The following ATXN2L variants were observed in gnomAD, a reference collection of about 807,000 sequenced individuals.
ATXN2L encodes the protein ataxin 2 like, also known as ataxin-2-like protein.
A neutral mutation model predicts 120.7 loss-of-function variants in ATXN2L; 24 were observed. That is an observed-to-expected ratio of 0.20 (90% CI 0.14 to 0.28). The LOEUF is 0.28. Among genes scored for constraint, ATXN2L ranks in the 10% least tolerant of loss-of-function variants. ATXN2L has a pLI of 1.00. For synonymous variants in ATXN2L, 653 were observed against 568.1 expected (o/e 1.15, Z -2.13); for missense variants, 1,312 against 1,432.3 (o/e 0.92, Z 1.36).
rs908636222 is a variant in ATXN2L at position 28,837,183 on chromosome 16, T to C, written c.*918T>C. The C allele has an allele frequency of 1.6e-5, 3 of 187,832 alleles. No homozygotes were observed. The highest frequency in any genetic ancestry group is 4.8e-5 in the African/African-American group (2 of 41,906). The allele number at this position is 187,832 out of a possible 1,614,324, so 11.6% of individuals were successfully genotyped here. ...GCTGGACAAGGACTTTTACTTTTTA[T>C]TACATAAAAATATTAAAAAATAAAT... On this transcript the variant is annotated 3_prime_UTR_variant, in exon 22 of 22. Coordinates refer to ENST00000336783, the MANE Select transcript of ATXN2L (RefSeq NM_007245.4).
intron 10 of ATXN2L, among the ~76,000 whole-genome samples, chr16:28,832,004 C>T (rs1481906128): frequency 6.6e-6 from 1 of 152,210 alleles, no homozygotes; most frequent in Non-Finnish European, 1.5e-5. Flanking sequence ...GAATCCCTGC[C>T]ACTCCTTTAA....
rs568174017 is a variant in ATXN2L at position 28,837,150 on chromosome 16, C to T, written c.*885C>T. On this transcript the variant is annotated 3_prime_UTR_variant, in exon 22 of 22. Coordinates refer to ENST00000336783, the MANE Select transcript of ATXN2L (RefSeq NM_007245.4). ...GTGTGAGAGACAGACAGATGCCCCA[C>T]GAGGATGGCTGGACAAGGACTTTTA... 10 of 300,582 alleles carry T rather than the reference C, an allele frequency of 3.3e-5. No homozygotes were observed. The highest frequency in any genetic ancestry group is 1.1e-4 in the East Asian group (1 of 9,104). The allele number at this position is 300,582 out of a possible 1,614,324, so 18.6% of individuals were successfully genotyped here.
intron 6 of ATXN2L, 150 bp from the exon 7 acceptor site, chr16:28,829,251 C>T (rs1029789798): frequency 1.1e-5 from 7 of 624,904 alleles, no homozygotes; most frequent in Non-Finnish European, 2.9e-6. Flanking sequence ...GAGCCTCCTG[C>T]CTCAGCTTCC....
intron 3 of ATXN2L, 37 bp downstream of exon 3, chr16:28,825,717 C>CTTA (rs1441372900): frequency 6.2e-7 from 1 of 1,612,580 alleles, no homozygotes; most frequent in Admixed American, 1.7e-5. Flanking sequence ...GTTTAAGGAA[C>CTTA]GTAATGCATC....
At chr16:28,827,396 C>T (rs866975564) in intron 6 of ATXN2L, among the ~76,000 whole-genome samples, 38 of 152,074 alleles carry the variant, frequency 2.5e-4, no homozygotes, top group African/African-American at 8.9e-4. Context: ...GATCATACCA[C>T]TGCACTCCAG....
In ATXN2L at chr16:28,834,145, G is replaced by T; in HGVS notation, c.2106G>T (p.Gln702His). ...CCATCCCGGTGCTGACAGCAGGCCAGAGTGGGCTATACAGCCCCCAGTACA... is the reference window on the plus strand; with the variant it reads ...CCATCCCGGTGCTGACAGCAGGCCATAGTGGGCTATACAGCCCCCAGTACA... ...TPSIPVLTAG[Q>H]SGLYSPQYIS... The change falls in exon 16 of 22, where the codon CAG becomes CAT. Residue 702 changes from glutamine to histidine, a missense_variant. Physicochemically the swap from Gln to His is conservative, Grantham distance 24 (BLOSUM62 0). Transcript: ENST00000336783. 6.2e-7 allele frequency: 1 copy of T among 1,614,174 alleles called. No individual in the cohort carries two copies. The highest frequency in any genetic ancestry group is 8.5e-7 in the Non-Finnish European group (1 of 1,180,006).
intron 15 of ATXN2L, 96 bp from the exon 16 acceptor site, chr16:28,833,969 T>C: frequency 7.3e-7 from 1 of 1,365,944 alleles, no homozygotes; most frequent in South Asian, 1.3e-5. Flanking sequence ...ATGTTTGGTA[T>C]GCAGCATTTC....
chr16:28,832,643 T>G (rs1284538031), intron 12 of ATXN2L, 76 bp downstream of exon 12: 2 of 1,528,968 alleles, frequency 1.3e-6, no homozygotes, highest in African/African-American at 2.8e-5. Flanking sequence ...GGAAGTTTGT[T>G]GGAATTCAGA....
intron 8 of ATXN2L, among the ~76,000 whole-genome samples, chr16:28,830,280 C>G (rs907213834): frequency 6.6e-6 from 1 of 152,100 alleles, no homozygotes; most frequent in African/African-American, 2.4e-5. Flanking sequence ...TGTGCTATTT[C>G]TTTTTATAAA....
chr16:28,825,478 G>A (rs2051541156), intron 2 of ATXN2L, 76 bp downstream of exon 2: 1 of 1,555,696 alleles, frequency 6.4e-7, no homozygotes, highest in Admixed American at 1.7e-5. Flanking sequence ...GGGCACATTA[G>A]GTCTAGATAG....
In ATXN2L at chr16:28,823,498, A is replaced by AGCC. The variant is rs779020531; in HGVS notation, c.251_253dup (p.Pro84dup). The AGCC allele has an allele frequency of 1.0e-4, 141 of 1,381,944 alleles. No individual in the cohort carries two copies. The East Asian group carries it at 2.3e-3, about 23-fold the overall frequency. The allele number at this position is 1,381,944 out of a possible 1,614,324, so 85.6% of individuals were successfully genotyped here. A position where few individuals can be genotyped will look rare whatever the true frequency, so the allele number is the denominator to read the frequency against. ...GGAGCCGAAGGCATCTTGGCGCCGCAGCCGCCGCCGCCGCAGCAACACCAG... is the reference window on the plus strand; with the variant it reads ...GGAGCCGAAGGCATCTTGGCGCCGCAGCCGCCGCCGCCGCCGCAGCAACACCAG... On this transcript the variant is annotated inframe_insertion, in exon 1 of 22. Coordinates refer to ENST00000336783, the MANE Select transcript of ATXN2L (RefSeq NM_007245.4).
At chr16:28,831,471 G>C (rs192140475) in intron 10 of ATXN2L, among the ~76,000 whole-genome samples, 5 of 152,222 alleles carry the variant, frequency 3.3e-5, no homozygotes, top group Non-Finnish European at 7.4e-5. Context: ...GGGATTACAG[G>C]CACCCACCAC....
rs759690129 is a variant in ATXN2L, at chr16:28,836,068, C to A, written c.3031C>A (p.Pro1011Thr). 31 of 1,592,264 alleles carry A rather than the reference C, an allele frequency of 1.9e-5. No homozygotes were observed. Among genetic ancestry groups the A allele is most frequent in the African/African-American group, 2.7e-5 (2 of 74,178 alleles). The change falls in exon 22 of 22, where the codon CCT (proline) becomes ACT (threonine). Residue 1011 changes from proline (P) to threonine (T), a missense_variant. By Grantham distance (38) the Pro-to-Thr change is conservative (BLOSUM62 -1). Coordinates refer to ENST00000336783, the MANE Select transcript of ATXN2L (RefSeq NM_007245.4). Reference sequence around the variant, plus strand: ...AGGCGCGGTGCCCCAGAGTGGGGTGCCTGCACTCTCAGCTTCCACACCCTC... The same window carrying A: ...AGGCGCGGTGCCCCAGAGTGGGGTGACTGCACTCTCAGCTTCCACACCCTC... ...PQGAVPQSGV[P>T]ALSASTPSPY...
intron 10 of ATXN2L, 49 bp from the exon 11 acceptor site, chr16:28,832,156 C>T (rs996056171): frequency 1.2e-5 from 19 of 1,599,960 alleles, no homozygotes; most frequent in Non-Finnish European, 1.5e-5. Flanking sequence ...CTTGTACTCA[C>T]TGCTGTTGAC....
rs1248497463 is a variant in ATXN2L, at chr16:28,837,197, T to TA, written c.*938dup. ...TTTACTTTTTATTACATAAAAATAT[T>TA]AAAAAATAAATAAAAAAAATAAAAT... On this transcript the variant is annotated 3_prime_UTR_variant, in exon 22 of 22. Transcript: ENST00000336783. 5.8e-6 allele frequency: 1 copy of TA among 171,356 alleles called. No individual in the cohort carries two copies. The highest frequency in any genetic ancestry group is 1.2e-5 in the Non-Finnish European group (1 of 81,776). 10.6% of individuals were successfully genotyped at this position (171,356 alleles called of 1,614,324 possible).
At chr16:28,833,989 A>G in intron 15 of ATXN2L, 76 bp from the exon 16 acceptor site, 2 of 1,500,224 alleles carry the variant, frequency 1.3e-6, no homozygotes, top group Non-Finnish European at 1.8e-6. Context: ...CACGAATGTT[A>G]ATTATTACCA....
chr16:28,835,895 T>G, intron 21 of ATXN2L, 38 bp from the exon 22 acceptor site: 1 of 1,555,782 alleles, frequency 6.4e-7, no homozygotes, highest in East Asian at 2.3e-5. Context: ...TGTTTCAGGA[T>G]TCTGTGGTCT....
Position 28,832,897 on chromosome 16 carries a change from G to A in ATXN2L, c.1659+10G>A. ...TGGGGCCCAGTTTAAGGTGAGAGAAGAGTGAGCTGGGATATTAGCAGGGTA... is the reference window on the plus strand; with the variant it reads ...TGGGGCCCAGTTTAAGGTGAGAGAAAAGTGAGCTGGGATATTAGCAGGGTA... On this transcript the variant is annotated intron_variant, in intron 13 of 21. Coordinates refer to ENST00000336783, the MANE Select transcript of ATXN2L (RefSeq NM_007245.4). 6.2e-7 allele frequency: 1 copy of A among 1,614,094 alleles called. No homozygotes were observed. Among genetic ancestry groups the A allele is most frequent in the East Asian group, 2.2e-5 (1 of 44,892 alleles).
In ATXN2L at chr16:28,830,854, A is replaced by G. The variant is rs1377889228; in HGVS notation, c.1210+64A>G. On this transcript the variant is annotated intron_variant, in intron 9 of 21. Coordinates refer to ENST00000336783, the MANE Select transcript of ATXN2L (RefSeq NM_007245.4). ...GGGGATGCCAAGGAGGTGGGAGGGT[A>G]ATTGGAGGGGTTTGGGTGTGTTGGA... 8.4e-6 allele frequency: 13 copies of G among 1,538,502 alleles called. No homozygotes were observed. The African/African-American group carries it at 1.7e-4, about 20-fold the overall frequency.
Sources: gnomAD v4.1 joint callset for allele counts (sites outside exome capture counted in the v4.1 genomes callset) on GRCh38, gnomAD v4.1.1 for gene constraint, MANE v1.5 for transcripts, NCBI Gene and HGNC (gene_info 2026-07-23, HGNC 2026-07-21) for gene names.